SH3GL2: variants seen among roughly 807,000 people sequenced by gnomAD.
The protein encoded by SH3GL2 is SH3 domain containing GRB2 like 2, endophilin A1.
Under a neutral mutation model 46.0 loss-of-function variants are expected in SH3GL2, and 24 were observed. That is an observed-to-expected ratio of 0.52 (90% CI 0.38 to 0.73). The LOEUF is 0.73. SH3GL2 is among the 30% of genes least tolerant of loss of function. The pLI, the probability that SH3GL2 is intolerant of heterozygous loss-of-function variation, is 0.00. For synonymous variants in SH3GL2, 196 were observed against 147.1 expected, an observed-to-expected ratio of 1.33 and a Z score of -2.40; for missense variants, 413 against 424.2, an observed-to-expected ratio of 0.97 and a Z score of 0.23.
At chr9:17,621,518 C>T (rs1819138098) in intron 1 of SH3GL2, among the ~76,000 whole-genome samples, 1 of 152,104 alleles carries the variant, frequency 6.6e-6, no homozygotes, top group Non-Finnish European at 1.5e-5. Context: ...GGAATCAATG[C>T]CTGATTCATA....
chr9:17,594,701 C>CA (rs1818540864), intron 1 of SH3GL2, among the ~76,000 whole-genome samples: 1 of 148,100 alleles, frequency 6.8e-6, no homozygotes, highest in Admixed American at 6.7e-5. Context: ...GTGCTCGGCT[C>CA]ACTGCTATAC....
At chr9:17,763,980 TA>T (rs200188946) in intron 3 of SH3GL2, among the ~76,000 whole-genome samples, 1,627 of 152,306 alleles carry the variant, frequency 0.011, 18 homozygotes, top group Middle Eastern at 0.027. Flanking sequence ...TTTATTTTAA[TA>T]AAAAACATCA....
intron 1 of SH3GL2, among the ~76,000 whole-genome samples, chr9:17,677,009 C>A (rs967937537): frequency 1.3e-5 from 2 of 152,146 alleles, no homozygotes; most frequent in African/African-American, 4.8e-5. Flanking sequence ...AGAACTAGGT[C>A]TGCTCAGAGG....
chr9:17,650,763 A>G (rs1343654872), intron 1 of SH3GL2, among the ~76,000 whole-genome samples: 3 of 152,228 alleles, frequency 2.0e-5, no homozygotes, highest in African/African-American at 7.2e-5. Context: ...CCTATTGTGA[A>G]CATATTAATT....
chr9:17,696,455 G>C (rs1048983135), intron 1 of SH3GL2, among the ~76,000 whole-genome samples: 2 of 152,142 alleles, frequency 1.3e-5, no homozygotes, highest in Non-Finnish European at 2.9e-5. Flanking sequence ...ACCTGAGATG[G>C]AGTAATTTAT....
chr9:17,679,338 G>A (rs1332235426), intron 1 of SH3GL2, among the ~76,000 whole-genome samples: 1 of 152,080 alleles, frequency 6.6e-6, no homozygotes, highest in Admixed American at 6.5e-5. Context: ...TCCTTGAAGA[G>A]GTCCTTCACA....
At chr9:17,594,690 A>G (rs530955883) in intron 1 of SH3GL2, among the ~76,000 whole-genome samples, 1 of 152,240 alleles carries the variant, frequency 6.6e-6, no homozygotes, top group South Asian at 2.1e-4. Flanking sequence ...TGTGAAGTGT[A>G]GTGCTCGGCT....
chr9:17,784,163 A>G (rs963841046), intron 3 of SH3GL2, among the ~76,000 whole-genome samples: 3 of 152,114 alleles, frequency 2.0e-5, no homozygotes, highest in Non-Finnish European at 4.4e-5. Context: ...CTAGTAGAAA[A>G]TGGCTTTCTT....
chr9:17,773,325 T>C (rs1179327079), intron 3 of SH3GL2, among the ~76,000 whole-genome samples: 1 of 152,158 alleles, frequency 6.6e-6, no homozygotes, highest in Admixed American at 6.6e-5. Context: ...TGAAGTCCAA[T>C]TGTGTAATTT....
At chr9:17,669,551 A>G (rs1820422648) in intron 1 of SH3GL2, among the ~76,000 whole-genome samples, 2 of 152,152 alleles carry the variant, frequency 1.3e-5, no homozygotes, top group Admixed American at 1.3e-4. Context: ...TTGGCTTAAA[A>G]CATCTTTTCT....
At chr9:17,738,602 T>G (rs1822423582) in intron 1 of SH3GL2, among the ~76,000 whole-genome samples, 1 of 101,602 alleles carries the variant, frequency 9.8e-6, no homozygotes, top group Non-Finnish European at 2.1e-5. Context: ...AGAATTTTAT[T>G]TCAAGGAATT....
chr9:17,690,345 T>A (rs542021473), intron 1 of SH3GL2, among the ~76,000 whole-genome samples: 1 of 152,276 alleles, frequency 6.6e-6, no homozygotes, highest in Admixed American at 6.5e-5. Flanking sequence ...TTTGTTTTTA[T>A]GGACTCCTCC....
intron 1 of SH3GL2, among the ~76,000 whole-genome samples, chr9:17,644,716 A>G (rs909605985): frequency 6.6e-6 from 1 of 151,940 alleles, no homozygotes; most frequent in African/African-American, 2.4e-5. Flanking sequence ...ATTTTTTTGC[A>G]TTTGCTGAGG....
chr9:17,719,373 A>G (rs1252831536), intron 1 of SH3GL2, among the ~76,000 whole-genome samples: 1 of 152,178 alleles, frequency 6.6e-6, no homozygotes, highest in Non-Finnish European at 1.5e-5. Context: ...ATTCCAGTCA[A>G]TGTTTTCATG....
At chr9:17,662,544 C>G (rs558231035) in intron 1 of SH3GL2, among the ~76,000 whole-genome samples, 1 of 152,168 alleles carries the variant, frequency 6.6e-6, no homozygotes, top group South Asian at 2.1e-4. Context: ...ATACAATGAG[C>G]TGGATTAGGT....
intron 1 of SH3GL2, among the ~76,000 whole-genome samples, chr9:17,736,777 A>G (rs7865921): frequency 0.26 from 39,267 of 151,964 alleles, 5,711 homozygotes; most frequent in African/African-American, 0.37. Flanking sequence ...AAAACTGTCC[A>G]AGTCTTTGTG....
chr9:17,621,448 G>A (rs956001192), intron 1 of SH3GL2, among the ~76,000 whole-genome samples: 2 of 152,126 alleles, frequency 1.3e-5, no homozygotes, highest in African/African-American at 4.8e-5. Flanking sequence ...CCTGCTTTTT[G>A]TAACATATCC....
At chr9:17,702,839 A>G (rs1328027102) in intron 1 of SH3GL2, among the ~76,000 whole-genome samples, 1 of 152,042 alleles carries the variant, frequency 6.6e-6, no homozygotes, top group African/African-American at 2.4e-5. Flanking sequence ...TACTGCAGAA[A>G]TTTCTATTAA....
intron 3 of SH3GL2, among the ~76,000 whole-genome samples, chr9:17,776,327 G>A (rs923163338): frequency 1.3e-5 from 2 of 152,084 alleles, no homozygotes; most frequent in Non-Finnish European, 2.9e-5. Context: ...CTAGGAAAAG[G>A]AGCATTCCAT....
Sources: gnomAD v4.1 joint callset for allele counts (sites outside exome capture counted in the v4.1 genomes callset) on GRCh38, gnomAD v4.1.1 for gene constraint, MANE v1.5 for transcripts, NCBI Gene and HGNC (gene_info 2026-07-23, HGNC 2026-07-21) for gene names.